The following ZNF423 variants were observed in gnomAD, a reference collection of about 807,000 sequenced individuals.
ZNF423 encodes Ebf-associated zinc finger protein.
A neutral mutation model predicts 95.8 loss-of-function variants in ZNF423; 12 were observed. The observed-to-expected ratio is 0.13, with a 90% CI of 0.08 to 0.20. The LOEUF is 0.20. Among genes scored for constraint, ZNF423 ranks in the 10% least tolerant of loss-of-function variants. The pLI, the probability that ZNF423 is intolerant of heterozygous loss-of-function variation, is 1.00. For synonymous variants in ZNF423, 749 were observed against 711.9 expected, an observed-to-expected ratio of 1.05 and a Z score of -0.83; for missense variants, 1,316 against 1,737.1, an observed-to-expected ratio of 0.76 and a Z score of 4.31.
At chr16:49,557,854 G>A (rs1969884745) in intron 5 of ZNF423, among the ~76,000 whole-genome samples, 1 of 152,178 alleles carries the variant, frequency 6.6e-6, no homozygotes, top group Non-Finnish European at 1.5e-5. Context: ...CTGCAAGGAA[G>A]TGATCAATTC....
At chr16:49,544,948 A>T (rs1322909505) in intron 5 of ZNF423, among the ~76,000 whole-genome samples, 1 of 152,262 alleles carries the variant, frequency 6.6e-6, no homozygotes, top group East Asian at 1.9e-4. Context: ...TGACCAGAGG[A>T]TCAGAGCTGA....
At chr16:49,674,406 C>T (rs182422332) in intron 3 of ZNF423, among the ~76,000 whole-genome samples, 18 of 152,206 alleles carry the variant, frequency 1.2e-4, no homozygotes, top group South Asian at 6.3e-4. Context: ...CATGTGCATA[C>T]GTGTGCTGCA....
intron 2 of ZNF423, among the ~76,000 whole-genome samples, chr16:49,777,616 G>C (rs986977431): frequency 6.6e-6 from 1 of 152,134 alleles, no homozygotes; most frequent in Non-Finnish European, 1.5e-5. Context: ...TCTAGTGCCC[G>C]TCATTCCACC....
chr16:49,759,841 A>T (rs185987271), intron 2 of ZNF423, among the ~76,000 whole-genome samples: 349 of 152,172 alleles, frequency 2.3e-3, no homozygotes, highest in Non-Finnish European at 4.0e-3. Context: ...TGCAGATGAG[A>T]CTAGGGTCCC....
At chr16:49,806,235 G>A (rs977322180) in intron 1 of ZNF423, among the ~76,000 whole-genome samples, 2 of 152,212 alleles carry the variant, frequency 1.3e-5, no homozygotes, top group Admixed American at 6.5e-5. Flanking sequence ...GCCCCCCAGG[G>A]AGGGGCCACA....
intron 3 of ZNF423, among the ~76,000 whole-genome samples, chr16:49,654,406 C>A (rs1973530090): frequency 6.6e-6 from 1 of 152,212 alleles, no homozygotes; most frequent in Non-Finnish European, 1.5e-5. Context: ...AGATGGCAGT[C>A]CAATACGTCC....
chr16:49,688,795 G>A lies in ZNF423; in HGVS notation c.301+41976C>T, dbSNP rs117147719. On this transcript the variant is annotated intron_variant, in intron 3 of 7. Coordinates refer to ENST00000563137, the MANE Select transcript of ZNF423 (RefSeq NM_001379286.1). ...CAGCAGGCAGTGTGGTGGGTGGGGAGCAGAAGACAGATTTCAAGCTGTAGG... is the reference window on the plus strand; with the variant it reads ...CAGCAGGCAGTGTGGTGGGTGGGGAACAGAAGACAGATTTCAAGCTGTAGG... Among the ~76,000 whole-genome samples the A allele has an allele frequency of 2.0e-4, 30 of 152,354 alleles. No individual in the cohort carries two copies. The East Asian group carries it at 5.8e-3, about 29-fold the overall frequency.
intron 3 of ZNF423, among the ~76,000 whole-genome samples, chr16:49,707,134 C>T (rs1031063985): frequency 6.6e-6 from 1 of 152,048 alleles, no homozygotes; most frequent in African/African-American, 2.4e-5. Flanking sequence ...CCTCACCTCA[C>T]CGCTCCCTGG....
intron 2 of ZNF423, among the ~76,000 whole-genome samples, chr16:49,772,962 G>A (rs565498862): frequency 1.1e-4 from 16 of 152,344 alleles, no homozygotes; most frequent in Non-Finnish European, 1.9e-4. Context: ...GGAGAAGCAG[G>A]CACCTTCTTC....
intron 2 of ZNF423, among the ~76,000 whole-genome samples, chr16:49,773,322 A>C (rs1441579854): frequency 6.6e-6 from 1 of 151,384 alleles, no homozygotes; most frequent in East Asian, 1.9e-4. Context: ...CCATCTCACA[A>C]AAAAAAAACA....
At chr16:49,763,018 C>T (rs527694078) in intron 2 of ZNF423, among the ~76,000 whole-genome samples, 1 of 152,124 alleles carries the variant, frequency 6.6e-6, no homozygotes, top group South Asian at 2.1e-4. Flanking sequence ...CAGGCACACA[C>T]CACCATGCCT....
intron 2 of ZNF423, among the ~76,000 whole-genome samples, chr16:49,742,965 C>T (rs2033445684): frequency 6.6e-6 from 1 of 152,124 alleles, no homozygotes; most frequent in African/African-American, 2.4e-5. Flanking sequence ...CATCGCTGTG[C>T]ATTCCGGGCA....
intron 3 of ZNF423, among the ~76,000 whole-genome samples, chr16:49,675,655 G>A (rs1034803273): frequency 9.9e-5 from 15 of 151,998 alleles, no homozygotes; most frequent in Admixed American, 2.6e-4. Flanking sequence ...GTGCTCACAC[G>A]CACATGGAGC....
intron 3 of ZNF423, among the ~76,000 whole-genome samples, chr16:49,688,152 A>G (rs2031641359): frequency 6.6e-6 from 1 of 150,516 alleles, no homozygotes; most frequent in South Asian, 2.1e-4. Context: ...GGGGCAGCAG[A>G]TCAAACCTGA....
chr16:49,544,716 TTCCTCACTGAGCCAGG>T (rs1969381335), intron 5 of ZNF423, among the ~76,000 whole-genome samples: 1 of 152,228 alleles, frequency 6.6e-6, no homozygotes, highest in South Asian at 2.1e-4. Flanking sequence ...TGGGAGGGTT[TTCCTCACTGAGCCAGG>T]TGCTGGCATG....
chr16:49,700,117 G>C (rs1274485875), intron 3 of ZNF423, among the ~76,000 whole-genome samples: 1 of 143,470 alleles, frequency 7.0e-6, no homozygotes, highest in East Asian at 2.2e-4. Flanking sequence ...TGGGGAAAGA[G>C]ATGGCAAGAA....
chr16:49,655,119 G>C (rs532553868), intron 3 of ZNF423, among the ~76,000 whole-genome samples: 1 of 152,348 alleles, frequency 6.6e-6, no homozygotes, highest in East Asian at 1.9e-4. Flanking sequence ...CAGATACAGA[G>C]AGATGGGAGG....
chr16:49,846,099 C>T (rs935313286), intron 1 of ZNF423, among the ~76,000 whole-genome samples: 27 of 152,018 alleles, frequency 1.8e-4, no homozygotes, highest in Admixed American at 7.2e-4. Context: ...GTTAGGAGTT[C>T]GAGACCAGCC....
At chr16:49,741,324 GTC>G (rs2033410414) in intron 2 of ZNF423, among the ~76,000 whole-genome samples, 1 of 151,884 alleles carries the variant, frequency 6.6e-6, no homozygotes, top group Admixed American at 6.6e-5. Context: ...GTGAAACCCT[GTC>G]TCTACTAAAA....
Sources: gnomAD v4.1 joint callset for allele counts (sites outside exome capture counted in the v4.1 genomes callset) on GRCh38, gnomAD v4.1.1 for gene constraint, MANE v1.5 for transcripts, NCBI Gene and HGNC (gene_info 2026-07-23, HGNC 2026-07-21) for gene names.